The following YEATS4 variants were observed in gnomAD, a reference collection of about 807,000 sequenced individuals.
The protein encoded by YEATS4 is YEATS domain containing 4, also known as YEATS domain-containing protein 4.
Under a neutral mutation model 30.1 loss-of-function variants are expected in YEATS4, and 17 were observed. That is an observed-to-expected ratio of 0.56 (90% confidence interval 0.39 to 0.85). The LOEUF (loss-of-function observed/expected upper bound fraction) is 0.85. Ranked by LOEUF, YEATS4 falls within the 40% of genes least tolerant of loss-of-function variation. The probability of loss-of-function intolerance (pLI) is 0.00; values close to 1 mark genes in which losing one functional copy is unlikely to be tolerated. For missense variants in YEATS4, 142 were observed against 268.3 expected (o/e 0.53, Z 3.29); for synonymous variants, 85 against 87.5 (o/e 0.97, Z 0.16).
intron 2 of YEATS4, chr12:69,364,107 G>A: frequency 9.4e-6 from 4 of 425,252 alleles, no homozygotes; most frequent in South Asian, 6.6e-5. Context: ...TCTTTTGTGT[G>A]ATAAAAATGT....
intron 1 of YEATS4, among the ~76,000 whole-genome samples, chr12:69,360,501 C>A (rs141303788): frequency 6.6e-6 from 1 of 152,188 alleles, no homozygotes; most frequent in Non-Finnish European, 1.5e-5. Context: ...TGCTGGAGTT[C>A]ATGGTGTTCA....
At chr12:69,415,791 C>T in the YEATS4 span, among the ~76,000 whole-genome samples, 5 of 151,958 alleles carry the variant, frequency 3.3e-5, no homozygotes, top group African/African-American at 4.8e-5. Flanking sequence ...ACATGGATGC[C>T]GAGAAAAAGA....
chr12:69,406,305 G>T, the YEATS4 span, among the ~76,000 whole-genome samples: 2 of 152,174 alleles, frequency 1.3e-5, no homozygotes. Context: ...ACTGATGAAA[G>T]TATTACATCA....
intron 1 of YEATS4, among the ~76,000 whole-genome samples, chr12:69,362,010 G>GTTGTTTT (rs1875230685): frequency 1.4e-5 from 1 of 69,654 alleles, no homozygotes; most frequent in African/African-American, 6.0e-5. Flanking sequence ...AGGGTGTTTG[G>GTTGTTTT]TTGTTTTTTT....
At chr12:69,375,666 C>A (rs1321048895) in intron 6 of YEATS4, among the ~76,000 whole-genome samples, 2 of 152,168 alleles carry the variant, frequency 1.3e-5, no homozygotes, top group African/African-American at 4.8e-5. Context: ...CTCGGGAGGC[C>A]AAGGCTGGCA....
the YEATS4 span, among the ~76,000 whole-genome samples, chr12:69,397,903 G>A: frequency 2.0e-5 from 3 of 152,160 alleles, no homozygotes; most frequent in African/African-American, 7.2e-5. Context: ...ATACCTGTAT[G>A]TGGTAGTTTG....
At chr12:69,420,819 C>T in the YEATS4 span, among the ~76,000 whole-genome samples, 9 of 152,208 alleles carry the variant, frequency 5.9e-5, no homozygotes, top group South Asian at 4.1e-4. Context: ...CCCCGGCCTC[C>T]CAGCCCCCAG....
At chr12:69,377,139 G>C (rs1875903593) in intron 6 of YEATS4, among the ~76,000 whole-genome samples, 1 of 151,790 alleles carries the variant, frequency 6.6e-6, no homozygotes, top group African/African-American at 2.4e-5. Flanking sequence ...CCAACTTCTT[G>C]TTTCATTGAG....
At chr12:69,415,649 G>A in the YEATS4 span, among the ~76,000 whole-genome samples, 4 of 152,184 alleles carry the variant, frequency 2.6e-5, no homozygotes, top group African/African-American at 9.7e-5. Flanking sequence ...GGCAAAGATG[G>A]GAGAGGAACA....
chr12:69,370,899 C>A lies in YEATS4; in HGVS notation c.438C>A (p.Asp146Glu). 6.2e-7 allele frequency: 1 copy of A among 1,613,082 alleles called. No individual in the cohort carries two copies. The highest frequency in any genetic ancestry group is 8.5e-7 in the Non-Finnish European group (1 of 1,179,634). The stretch of plus-strand genomic sequence containing the variant: ...TTTTATCCCATTAGATATTTCAAGA[C>A]CCAACAGCAATGATGCAACAATTAT... ...SEFYDEMIFQDPTAMMQQLLT... is the reference protein window; with the variant it reads ...SEFYDEMIFQEPTAMMQQLLT... Residue 146 changes from aspartate to glutamate, a missense_variant, in exon 6 of 7, where the codon GAC becomes GAA. Physicochemically the swap from Asp to Glu is conservative, Grantham distance 45 (BLOSUM62 2). This residue lies in a region of YEATS4 where 64 missense variants were observed against 164.0 expected (regional missense o/e 0.39). Coordinates refer to ENST00000247843, the MANE Select transcript of YEATS4 (RefSeq NM_006530.4).
At chr12:69,426,270 A>G in the YEATS4 span, among the ~76,000 whole-genome samples, 2 of 152,160 alleles carry the variant, frequency 1.3e-5, no homozygotes, top group African/African-American at 4.8e-5. Context: ...CTATTTGTAT[A>G]TGCCCTTGCC....
chr12:69,381,782 C>CT (rs1876090844), intron 6 of YEATS4, among the ~76,000 whole-genome samples: 3 of 152,226 alleles, frequency 2.0e-5, no homozygotes, highest in Non-Finnish European at 4.4e-5. Flanking sequence ...ACATCTCTCC[C>CT]TTTCTTTTTA....
the YEATS4 span, among the ~76,000 whole-genome samples, chr12:69,412,511 G>A: frequency 4.6e-5 from 7 of 152,128 alleles, no homozygotes; most frequent in African/African-American, 1.4e-4. Flanking sequence ...AAATTAGCTC[G>A]GCGTGGTGGC....
downstream of YEATS4, among the ~76,000 whole-genome samples, chr12:69,391,210 C>G (rs1442950805): frequency 1.3e-5 from 2 of 151,872 alleles, no homozygotes; most frequent in Non-Finnish European, 2.9e-5. Flanking sequence ...AGGAGAATTG[C>G]TTGAACCCAG....
At chr12:69,360,342 C>T (rs1875144807) in intron 1 of YEATS4, among the ~76,000 whole-genome samples, 1 of 152,198 alleles carries the variant, frequency 6.6e-6, no homozygotes, top group East Asian at 1.9e-4. Context: ...TGCACATTCG[C>T]TGCCAATCTA....
the YEATS4 span, among the ~76,000 whole-genome samples, chr12:69,406,530 T>C: frequency 5.9e-5 from 9 of 152,174 alleles, no homozygotes; most frequent in African/African-American, 2.2e-4. Context: ...GTTTTCACCA[T>C]GTTGCCCAGG....
chr12:69,421,633 A>G, the YEATS4 span, among the ~76,000 whole-genome samples: 2 of 152,214 alleles, frequency 1.3e-5, no homozygotes, highest in Admixed American at 1.3e-4. Context: ...GAAATCACCA[A>G]TGACTTTCAA....
At chr12:69,405,736 T>A in the YEATS4 span, among the ~76,000 whole-genome samples, 1 of 152,162 alleles carries the variant, frequency 6.6e-6, no homozygotes, top group Non-Finnish European at 1.5e-5. Context: ...CTGCAAGAGA[T>A]TCCATCCTGC....
At chr12:69,417,614 G>C in the YEATS4 span, among the ~76,000 whole-genome samples, 3 of 152,132 alleles carry the variant, frequency 2.0e-5, no homozygotes, top group Non-Finnish European at 4.4e-5. Flanking sequence ...CTAATTATTT[G>C]TGTTCACTAG....
Sources: allele counts gnomAD v4.1 joint callset (sites outside exome capture counted in the v4.1 genomes callset), GRCh38; gene constraint gnomAD v4.1.1; regional missense constraint gnomAD v4.1.1; transcripts MANE v1.5; gene names NCBI Gene and HGNC (gene_info 2026-07-23, HGNC 2026-07-21).